Variants in GLE1 observed in about 807,000 individuals in gnomAD.
GLE1 encodes mRNA export factor GLE1.
GLE1 carries 78 observed loss-of-function variants against 97.3 expected under a neutral mutation model. The observed-to-expected ratio is 0.80, with a 90% CI of 0.67 to 0.97. GLE1 has a LOEUF of 0.97. Ranked by LOEUF, GLE1 falls within the 50% of genes least tolerant of loss-of-function variation. The probability of loss-of-function intolerance (pLI) is 0.00; values close to 1 mark genes in which losing one functional copy is unlikely to be tolerated. For synonymous variants in GLE1, 302 were observed against 313.4 expected (o/e 0.96, Z 0.39); for missense variants, 753 against 857.5 (o/e 0.88, Z 1.52).
chr9:128,509,147 A>C (rs781421905), intron 2 of GLE1, 50 bp downstream of exon 2: 4 of 1,067,550 alleles, frequency 3.7e-6, no homozygotes, highest in Middle Eastern at 2.2e-4. Context: ...TGCAAAGTCA[A>C]AATGTTTAAT....
chr9:128,520,661 C>T (rs1589052831), intron 3 of GLE1, among the ~76,000 whole-genome samples: 1 of 151,838 alleles, frequency 6.6e-6, no homozygotes, highest in South Asian at 2.1e-4. Flanking sequence ...CTTTCTGCTC[C>T]CGTGAGGCAT....
rs1847898427 is a variant in GLE1, at chr9:128,542,238, T to G, written c.*1068T>G. 6.6e-6 allele frequency: 1 copy of G among 152,216 alleles called. No homozygotes were observed. Among genetic ancestry groups the G allele is most frequent in the African/African-American group, 2.4e-5 (1 of 41,454 alleles). 9.4% of individuals were successfully genotyped at this position (152,216 alleles called of 1,614,324 possible). ...CTGAAGTGACCCATTCTATGAATTGTTAATTAAGGTGCCAAAAAAAATTAA... is the reference window on the plus strand; with the variant it reads ...CTGAAGTGACCCATTCTATGAATTGGTAATTAAGGTGCCAAAAAAAATTAA... On this transcript the variant is annotated 3_prime_UTR_variant, in exon 16 of 16. Transcript: ENST00000309971.
intron 4 of GLE1, 136 bp downstream of exon 4, chr9:128,522,952 T>A: frequency 9.1e-7 from 1 of 1,096,870 alleles, no homozygotes; most frequent in Admixed American, 2.1e-5. Flanking sequence ...GAGAATTTTA[T>A]AACCTGGAAA....
At chr9:128,524,839 C>T (rs13439919) in intron 6 of GLE1, among the ~76,000 whole-genome samples, 2 of 151,536 alleles carry the variant, frequency 1.3e-5, no homozygotes. Flanking sequence ...TTGCAATGAC[C>T]GAGATCTTGC....
At chr9:128,528,491 C>G (rs1255879600) in intron 9 of GLE1, among the ~76,000 whole-genome samples, 1 of 150,906 alleles carries the variant, frequency 6.6e-6, no homozygotes, top group Non-Finnish European at 1.5e-5. Context: ...TTTTAGTAGA[C>G]ACGGGGTTTC....
chr9:128,532,522 A>G (rs1847551576), intron 9 of GLE1: 1 of 157,174 alleles, frequency 6.4e-6, no homozygotes, highest in Admixed American at 6.6e-5. Context: ...CAAAAAAAAA[A>G]AAGCATTTAT....
Position 128,541,243 on chromosome 9 carries a change from G to A in GLE1, c.*73G>A, listed in dbSNP as rs10760563. 0.22 allele frequency: 194,097 copies of A among 884,214 alleles called. 22,851 individuals are homozygous for A. The highest frequency in any genetic ancestry group is 0.39 in the East Asian group (16,415 of 41,678). The allele number at this position is 884,214 out of a possible 1,614,324, so 54.8% of individuals were successfully genotyped here. On this transcript the variant is annotated 3_prime_UTR_variant, in exon 16 of 16. Transcript: ENST00000309971. Reference sequence around the variant, plus strand: ...AAAGGAACTGAAGACAGCTGTATTTGGGAGAAGTCATGTCAGATTCAGAAA... The same window carrying A: ...AAAGGAACTGAAGACAGCTGTATTTAGGAGAAGTCATGTCAGATTCAGAAA...
Position 128,525,226 on chromosome 9 carries a change from C to T in GLE1, c.932C>T (p.Ala311Val). The T allele has an allele frequency of 6.2e-7, 1 of 1,614,092 alleles. No individual in the cohort carries two copies. The highest frequency in any genetic ancestry group is 8.5e-7 in the Non-Finnish European group (1 of 1,179,944). ...CCCACAGCAGAGAGTCAAGCTGAGGCTGAGCGAGCTCTGCGGGAAATGCGG... is the reference window on the plus strand; with the variant it reads ...CCCACAGCAGAGAGTCAAGCTGAGGTTGAGCGAGCTCTGCGGGAAATGCGG... Reference protein sequence around the residue: ...SYPTAESQAEAERALREMRDL... With the variant: ...SYPTAESQAEVERALREMRDL... The change falls in exon 7 of 16, where the codon GCT becomes GTT. Residue 311 changes from alanine to valine, a missense_variant. Transcript: ENST00000309971.
intron 2 of GLE1, among the ~76,000 whole-genome samples, chr9:128,514,307 C>G (rs932730347): frequency 2.0e-5 from 3 of 147,510 alleles, no homozygotes; most frequent in Admixed American, 6.8e-5. Flanking sequence ...CCACTATACT[C>G]CAGCCTGGGA....
At chr9:128,540,247 T>G (rs1310929342) in intron 14 of GLE1, 28 bp from the exon 15 acceptor site, 1 of 1,476,774 alleles carries the variant, frequency 6.8e-7, no homozygotes, top group African/African-American at 1.4e-5. Flanking sequence ...ATCATAGGTG[T>G]GATTCATGTG....
chr9:128,522,679 G>A lies in GLE1; in HGVS notation c.444G>A (p.Arg148=), dbSNP rs143856051. 827 of 1,611,930 alleles carry A rather than the reference G, an allele frequency of 5.1e-4. 11 individuals carry two copies. The East Asian group carries it at 0.012, about 24-fold the overall frequency. Residue 148 remains arginine, a synonymous_variant, in exon 4 of 16, where the codon AGG becomes AGA. Transcript: ENST00000309971. The part of the protein sequence containing the change: ...VHRMKGTEGL[R]LWQEEQERKV... Reference sequence around the variant, plus strand: ...AAAAACCTTTTCAGGAGGGCCTGAGGCTATGGCAGGAGGAGCAGGAGAGGA... The same window carrying A: ...AAAAACCTTTTCAGGAGGGCCTGAGACTATGGCAGGAGGAGCAGGAGAGGA...
At chr9:128,520,518 G>T (rs1383751472) in intron 3 of GLE1, among the ~76,000 whole-genome samples, 1 of 151,338 alleles carries the variant, frequency 6.6e-6, no homozygotes, top group Non-Finnish European at 1.5e-5. Flanking sequence ...ATGACTAGGG[G>T]AAGACAGCAA....
intron 3 of GLE1, among the ~76,000 whole-genome samples, chr9:128,521,881 A>G (rs1847162912): frequency 6.6e-6 from 1 of 152,196 alleles, no homozygotes; most frequent in Non-Finnish European, 1.5e-5. Context: ...ATTGCCTTTA[A>G]CCATATGTGA....
Position 128,522,728 on chromosome 9 carries a change from G to C in GLE1, c.493G>C (p.Ala165Pro), listed in dbSNP as rs765290778. Reference protein sequence around the residue: ...ERKVQALSEMASEQLKRFDEW... With the variant: ...ERKVQALSEMPSEQLKRFDEW... ...GAAGGTGCAAGCCCTCTCGGAGATG[G>C]CATCTGAACAACTGAAGCGGTTTGA... The change falls in exon 4 of 16, where the codon GCA becomes CCA. Residue 165 changes from alanine (A) to proline (P), a missense_variant. Ala to Pro is a conservative substitution (Grantham distance 27). Coordinates refer to ENST00000309971, the MANE Select transcript of GLE1 (RefSeq NM_001003722.2). 1 of 1,613,616 alleles carries C rather than the reference G, an allele frequency of 6.2e-7. No individual in the cohort carries two copies. The highest frequency in any genetic ancestry group is 8.5e-7 in the Non-Finnish European group (1 of 1,179,876).
intron 2 of GLE1, among the ~76,000 whole-genome samples, chr9:128,511,943 C>T (rs1846837322): frequency 1.3e-5 from 2 of 152,074 alleles, no homozygotes; most frequent in African/African-American, 4.8e-5. Flanking sequence ...TCCCGAGTAG[C>T]TGGGATTATA....
intron 13 of GLE1, among the ~76,000 whole-genome samples, chr9:128,538,522 C>G (rs535447367): frequency 6.6e-6 from 1 of 151,726 alleles, no homozygotes; most frequent in South Asian, 2.1e-4. Context: ...AAAGGCCGGG[C>G]ACGGTGGCTC....
chr9:128,530,541 C>T (rs2132490511), intron 9 of GLE1, among the ~76,000 whole-genome samples: 1 of 152,312 alleles, frequency 6.6e-6, no homozygotes, highest in South Asian at 2.1e-4. Flanking sequence ...TCCAGCCAGA[C>T]ACAGAACATG....
chr9:128,524,867 G>A (rs534279697), intron 6 of GLE1, among the ~76,000 whole-genome samples: 2 of 151,800 alleles, frequency 1.3e-5, no homozygotes, highest in South Asian at 2.1e-4. Context: ...CTCCAACCTG[G>A]GCAATGGAGA....
In GLE1 at chr9:128,519,685, C is replaced by T. The variant is rs151206710; in HGVS notation, c.433-2983C>T. Among the ~76,000 whole-genome samples, 1,473 of 152,332 alleles carry T rather than the reference C, an allele frequency of 9.7e-3. 31 individuals are homozygous for T. Among genetic ancestry groups the T allele is most frequent in the East Asian group, 0.073 (379 of 5,182 alleles). On this transcript the variant is annotated intron_variant, in intron 3 of 15. Coordinates refer to ENST00000309971, the MANE Select transcript of GLE1 (RefSeq NM_001003722.2). ...GTGGTCCTGTGATCTCGCGATCTCG[C>T]CCTGCCTCCATTTGCCTTGTGATAT...
Sources: gnomAD v4.1 joint callset for allele counts (sites outside exome capture counted in the v4.1 genomes callset) on GRCh38, gnomAD v4.1.1 for gene constraint, MANE v1.5 for transcripts, NCBI Gene and HGNC (gene_info 2026-07-23, HGNC 2026-07-21) for gene names.